Variants in ABCA13 observed in about 807,000 individuals in gnomAD.
ABCA13 encodes ATP binding cassette subfamily A member 13.
ABCA13 carries 476 observed loss-of-function variants against 478.7 expected under a neutral mutation model. The ratio of observed to expected loss-of-function variants is 0.99; its 90% confidence interval spans 0.92 to 1.07. ABCA13 has a LOEUF of 1.07. Among genes scored for constraint, ABCA13 ranks in the 50% least tolerant of loss-of-function variants. The pLI, the probability that ABCA13 is intolerant of heterozygous loss-of-function variation, is 0.00. For synonymous variants in ABCA13, 2,252 were observed against 2,158.9 expected (o/e 1.04, Z -1.20); for missense variants, 6,060 against 5,910.6 (o/e 1.03, Z -0.83).
chr7:48,215,358 G>T (rs947083358), intron 3 of ABCA13, among the ~76,000 whole-genome samples: 5 of 152,192 alleles, frequency 3.3e-5, no homozygotes, highest in Non-Finnish European at 5.9e-5. Flanking sequence ...CATCTTATAT[G>T]GGCATGGTTT....
chr7:48,283,581 G>A (rs1440875890), intron 19 of ABCA13, among the ~76,000 whole-genome samples: 1 of 152,120 alleles, frequency 6.6e-6, no homozygotes, highest in African/African-American at 2.4e-5. Flanking sequence ...TAGAAGGATT[G>A]GATAGGTCAA....
intron 28 of ABCA13, among the ~76,000 whole-genome samples, chr7:48,336,934 G>A (rs771234168): frequency 1.3e-5 from 2 of 152,150 alleles, no homozygotes; most frequent in African/African-American, 4.8e-5. Context: ...GCACCAAGTC[G>A]AGAATGTACA....
At chr7:48,562,792 T>C (rs1267937042) in intron 55 of ABCA13, among the ~76,000 whole-genome samples, 2 of 152,092 alleles carry the variant, frequency 1.3e-5, no homozygotes, top group Admixed American at 6.6e-5. Flanking sequence ...AGTTGTGATT[T>C]TGATATAATT....
At position 48,638,602 on chromosome 7, in the gene ABCA13, T is replaced by C. The variant is rs187940093; in HGVS notation, c.14838-4686T>C. On this transcript the variant is annotated intron_variant, in intron 59 of 61. Transcript: ENST00000435803. ...CCTCACAGCCATTCTGATTTGCATA[T>C]GCAATGATTGGAAAATGATCCAAAT... Among the ~76,000 whole-genome samples, 617 of 152,330 alleles carry C rather than the reference T, an allele frequency of 4.1e-3. 2 individuals are homozygous for C. The highest frequency in any genetic ancestry group is 0.015 in the South Asian group (72 of 4,828).
At position 48,644,607 on chromosome 7, in the gene ABCA13, TTGC is replaced by T; in HGVS notation, c.14944-8_14944-6del. 4.6e-6 allele frequency: 7 copies of T among 1,523,716 alleles called. No individual in the cohort carries two copies. Among genetic ancestry groups the T allele is most frequent in the Admixed American group, 4.2e-5 (2 of 47,726 alleles). 94.4% of individuals were successfully genotyped at this position (1,523,716 alleles called of 1,614,324 possible). A position where few individuals can be genotyped will look rare whatever the true frequency, so the allele number is the denominator to read the frequency against. Reference sequence around the variant, plus strand: ...TATGATACTTTTTTTTTTTTTTTTTTTGCTTTTAGGGACAGCACCTGAATTTAT... The same window carrying T: ...TATGATACTTTTTTTTTTTTTTTTTTTTTTAGGGACAGCACCTGAATTTAT... On this transcript the variant is annotated splice_polypyrimidine_tract_variant and splice_region_variant and intron_variant, in intron 60 of 61. Transcript: ENST00000435803.
At chr7:48,620,036 C>A (rs1792982198) in intron 59 of ABCA13, among the ~76,000 whole-genome samples, 1 of 152,146 alleles carries the variant, frequency 6.6e-6, no homozygotes, top group Admixed American at 6.5e-5. Context: ...AAGTAGGAAT[C>A]AGGAGGCATT....
chr7:48,255,824 A>G (rs1793302911), intron 15 of ABCA13, among the ~76,000 whole-genome samples: 5 of 152,124 alleles, frequency 3.3e-5, no homozygotes, highest in Admixed American at 2.6e-4. Flanking sequence ...GGGTATATAC[A>G]CAATAATGGG....
chr7:48,643,103 A>T (rs1795216959), intron 59 of ABCA13, among the ~76,000 whole-genome samples, 185 bp from the exon 60 acceptor site: 1 of 152,154 alleles, frequency 6.6e-6, no homozygotes, highest in Non-Finnish European at 1.5e-5. Context: ...GTCAATATAA[A>T]TGGAAAACAA....
intron 31 of ABCA13, among the ~76,000 whole-genome samples, chr7:48,354,407 A>T (rs1809562092): frequency 6.6e-6 from 1 of 152,026 alleles, no homozygotes; most frequent in Non-Finnish European, 1.5e-5. Context: ...AAATCCAGAA[A>T]TGGCCTGAGT....
intron 33 of ABCA13, among the ~76,000 whole-genome samples, 198 bp downstream of exon 33, chr7:48,372,695 A>G (rs1812846810): frequency 1.3e-5 from 2 of 152,228 alleles, no homozygotes; most frequent in Admixed American, 1.3e-4. Flanking sequence ...ACAGCAGCCC[A>G]TTAAGAATGT....
chr7:48,341,264 A>G (rs1330544695), intron 29 of ABCA13, among the ~76,000 whole-genome samples: 1 of 151,848 alleles, frequency 6.6e-6, no homozygotes, highest in Admixed American at 6.6e-5. Flanking sequence ...CTTTATGTTG[A>G]GTCATTTTGT....
chr7:48,361,026 G>A (rs1370367183), intron 31 of ABCA13, among the ~76,000 whole-genome samples: 2 of 151,582 alleles, frequency 1.3e-5, no homozygotes, highest in African/African-American at 4.9e-5. Flanking sequence ...AGCCCAGGAG[G>A]CTGAGGCTAC....
Position 48,645,693 on chromosome 7 carries a change from G to A in ABCA13, c.*181G>A. ...TAGTTAATAACCACCAAATGGAAAG[G>A]TCATTCTTTCTGCAGACTTTTGGGG... On this transcript the variant is annotated 3_prime_UTR_variant, in exon 62 of 62. Transcript: ENST00000435803. 1.7e-6 allele frequency: 1 copy of A among 575,724 alleles called. No individual in the cohort carries two copies. The highest frequency in any genetic ancestry group is 3.7e-5 in the Admixed American group (1 of 27,324). 35.7% of individuals were successfully genotyped at this position (575,724 alleles called of 1,614,324 possible). A position where few individuals can be genotyped will look rare whatever the true frequency, so the allele number is the denominator to read the frequency against.
chr7:48,422,152 C>G (rs906689528), intron 41 of ABCA13, among the ~76,000 whole-genome samples: 15 of 151,020 alleles, frequency 9.9e-5, no homozygotes, highest in African/African-American at 2.4e-4. Flanking sequence ...TTTGAGAGAC[C>G]CTGTTCCCTT....
At chr7:48,469,018 A>T (rs12533158) in intron 44 of ABCA13, among the ~76,000 whole-genome samples, 2 of 151,986 alleles carry the variant, frequency 1.3e-5, no homozygotes, top group African/African-American at 4.8e-5. Context: ...TACAAGGCTT[A>T]TATCTGGTGG....
chr7:48,219,199 G>A (rs902392384), intron 3 of ABCA13, among the ~76,000 whole-genome samples, 155 bp from the exon 4 acceptor site: 12 of 152,338 alleles, frequency 7.9e-5, no homozygotes, highest in African/African-American at 2.6e-4. Flanking sequence ...TCTTTTGGAT[G>A]AGGGTCAGGT....
intron 5 of ABCA13, among the ~76,000 whole-genome samples, chr7:48,223,438 G>T (rs1787661681): frequency 6.6e-6 from 1 of 152,158 alleles, no homozygotes; most frequent in South Asian, 2.1e-4. Flanking sequence ...AGAGTATCAG[G>T]CAAGGAGGAG....
intron 3 of ABCA13, among the ~76,000 whole-genome samples, chr7:48,218,090 T>C (rs1258794662): frequency 6.6e-6 from 1 of 152,246 alleles, no homozygotes; most frequent in Non-Finnish European, 1.5e-5. Flanking sequence ...TTAATGATAG[T>C]TCCTAATTTG....
intron 1 of ABCA13, among the ~76,000 whole-genome samples, chr7:48,178,567 G>A (rs370461716): frequency 6.6e-6 from 1 of 151,856 alleles, no homozygotes. Context: ...CCCAGCTACC[G>A]AGGAGGCTAA....
Sources: allele counts gnomAD v4.1 joint callset (sites outside exome capture counted in the v4.1 genomes callset), GRCh38; gene constraint gnomAD v4.1.1; transcripts MANE v1.5; gene names NCBI Gene and HGNC (gene_info 2026-07-23, HGNC 2026-07-21).